Variants in NFAM1 observed in about 807,000 individuals in gnomAD.
NFAM1 encodes NFAT activating protein with ITAM motif 1, also known as NFAT activation molecule 1.
Under a neutral mutation model 29.0 loss-of-function variants are expected in NFAM1, and 17 were observed. That is an observed-to-expected ratio of 0.59 (90% CI 0.40 to 0.88). NFAM1 has a LOEUF of 0.88. Among genes scored for constraint, NFAM1 ranks in the 40% least tolerant of loss-of-function variants. The pLI, the probability that NFAM1 is intolerant of heterozygous loss-of-function variation, is 0.00. For synonymous variants in NFAM1, 175 were observed against 147.2 expected (o/e 1.19, Z -1.36); for missense variants, 324 against 344.6 (o/e 0.94, Z 0.47).
rs117550215 is a variant in NFAM1 at position 42,420,267 on chromosome 22, T to A, written c.122-8531A>T. ...TTGGGTGATTTCTTGAGCTCAGGAC[T>A]TTAAGATCAGCCTGCAGAATATAGT... is the stretch of plus-strand genomic sequence containing the variant. On this transcript the variant is annotated intron_variant, in intron 1 of 5. Transcript: ENST00000329021. Among the ~76,000 whole-genome samples the A allele has an allele frequency of 1.1e-3, 174 of 152,048 alleles. 3 individuals carry two copies. The East Asian group carries it at 0.032, about 28-fold the overall frequency.
At chr22:42,427,865 T>A (rs931070895) in intron 1 of NFAM1, among the ~76,000 whole-genome samples, 7 of 151,980 alleles carry the variant, frequency 4.6e-5, no homozygotes, top group Non-Finnish European at 1.0e-4. Flanking sequence ...CCCCACAAGC[T>A]GGGATGGGGG....
intron 5 of NFAM1, among the ~76,000 whole-genome samples, chr22:42,385,423 C>T (rs556099187): frequency 6.6e-6 from 1 of 151,818 alleles, no homozygotes; most frequent in African/African-American, 2.4e-5. Context: ...CCATTGCCCT[C>T]CAGCCACATG....
rs375741255 is a variant in NFAM1 at position 42,397,975 on chromosome 22, C to A, written c.565-19G>T. ...TCCGCTTCTGTAGGGAGAAAGGAGT[C>A]AGGGCCAGGGATGAGTGGCTCTCGT... is the stretch of plus-strand genomic sequence containing the variant. On this transcript the variant is annotated intron_variant, in intron 3 of 5. Transcript: ENST00000329021. 844 of 1,419,948 alleles carry A rather than the reference C, an allele frequency of 5.9e-4. 1 individual carries two copies. Among genetic ancestry groups the A allele is most frequent in the Non-Finnish European group, 7.5e-4 (768 of 1,018,466 alleles). 88.0% of individuals were successfully genotyped at this position (1,419,948 alleles called of 1,614,324 possible).
intron 1 of NFAM1, among the ~76,000 whole-genome samples, chr22:42,415,400 C>T (rs905357222): frequency 4.0e-5 from 6 of 150,822 alleles, no homozygotes; most frequent in Admixed American, 2.0e-4. Context: ...CCTGGGTTCA[C>T]GCCATTCTCC....
the NFAM1 span, among the ~76,000 whole-genome samples, chr22:42,437,871 A>G: frequency 6.6e-6 from 1 of 152,148 alleles, no homozygotes; most frequent in Non-Finnish European, 1.5e-5. Context: ...TACAGGGTGC[A>G]GGGCGTGGCG....
At chr22:42,423,489 A>T (rs1325901543) in intron 1 of NFAM1, among the ~76,000 whole-genome samples, 1 of 152,146 alleles carries the variant, frequency 6.6e-6, no homozygotes, top group Non-Finnish European at 1.5e-5. Context: ...CCAAGGTGGG[A>T]GGATTACTTG....
intron 1 of NFAM1, among the ~76,000 whole-genome samples, chr22:42,418,014 A>T (rs1930317594): frequency 6.6e-6 from 1 of 152,168 alleles, no homozygotes; most frequent in Non-Finnish European, 1.5e-5. Context: ...GCTTTACAGG[A>T]GACTGTGTTT....
At chr22:42,432,081 C>T (rs1930821221) in intron 1 of NFAM1, among the ~76,000 whole-genome samples, 156 bp downstream of exon 1, 2 of 152,340 alleles carry the variant, frequency 1.3e-5, no homozygotes, top group Admixed American at 1.3e-4. Flanking sequence ...TCTTCTCGGT[C>T]CCAGAAGGCT....
At chr22:42,433,286 A>G (rs2146564447), upstream of NFAM1, among the ~76,000 whole-genome samples, 1 of 152,324 alleles carries the variant, frequency 6.6e-6, no homozygotes, top group East Asian at 1.9e-4. Context: ...TGGTACATGG[A>G]AGACGCAGGC....
At chr22:42,407,598 C>T (rs1279926340) in intron 3 of NFAM1, among the ~76,000 whole-genome samples, 1 of 151,152 alleles carries the variant, frequency 6.6e-6, no homozygotes, top group Non-Finnish European at 1.5e-5. Context: ...CTCAAACTTT[C>T]TTTCTTTTTT....
At chr22:42,421,580 C>T (rs1569235233) in intron 1 of NFAM1, among the ~76,000 whole-genome samples, 1 of 152,194 alleles carries the variant, frequency 6.6e-6, no homozygotes, top group Non-Finnish European at 1.5e-5. Context: ...AGGCTCCTCC[C>T]ACCACCAAGT....
rs1204156899 is a variant in NFAM1, at chr22:42,432,221, G to A, written c.121+16C>T. On this transcript the variant is annotated intron_variant, in intron 1 of 5. Coordinates refer to ENST00000329021, the MANE Select transcript of NFAM1 (RefSeq NM_145912.8). ...TGGAGCGAGAGAGTAGAGAGAAGGA[G>A]GAAGACAGACACTACCTGCCAGTCG... 1 of 1,565,406 alleles carries A rather than the reference G, an allele frequency of 6.4e-7. No individual in the cohort carries two copies. Among genetic ancestry groups the A allele is most frequent in the Non-Finnish European group, 8.7e-7 (1 of 1,153,768 alleles).
intron 1 of NFAM1, among the ~76,000 whole-genome samples, chr22:42,420,105 G>A (rs949615662): frequency 3.6e-5 from 5 of 138,232 alleles, no homozygotes; most frequent in Admixed American, 1.6e-4. Flanking sequence ...CCACCTCCCC[G>A]GTTCAAGCAA....
In NFAM1 at chr22:42,381,581, G is replaced by C. The variant is rs1470647045; in HGVS notation, c.*3580C>G. On this transcript the variant is annotated 3_prime_UTR_variant, in exon 6 of 6. Transcript: ENST00000329021. ...TGCTGCGGTAGGGCCCAGGGGCAGG[G>C]GCCTGCAGGGGCTGCCTGGGGCTTC... 6.5e-6 allele frequency: 1 copy of C among 153,166 alleles called. No homozygotes were observed. Among genetic ancestry groups the C allele is most frequent in the Admixed American group, 6.5e-5 (1 of 15,302 alleles). 9.5% of individuals were successfully genotyped at this position (153,166 alleles called of 1,614,324 possible).
At chr22:42,433,926 G>A (rs1180901716), upstream of NFAM1, among the ~76,000 whole-genome samples, 1 of 152,120 alleles carries the variant, frequency 6.6e-6, no homozygotes, top group African/African-American at 2.4e-5. Flanking sequence ...GGGAGCATTG[G>A]AAAAGCATCG....
upstream of NFAM1, among the ~76,000 whole-genome samples, chr22:42,435,348 CTTT>C (rs10715028): frequency 6.7e-5 from 9 of 135,176 alleles, no homozygotes; most frequent in Non-Finnish European, 7.9e-5. Flanking sequence ...TCTTTTCTTT[CTTT>C]TTTTTTTTTT....
In NFAM1 at chr22:42,397,884, G is replaced by C; in HGVS notation, c.637C>G (p.Gln213Glu). 6.2e-7 allele frequency: 1 copy of C among 1,612,910 alleles called. No homozygotes were observed. ...PDPRSASSPK[Q>E]HPSESVYTAL... Reference sequence around the variant, plus strand: ...GTGTAGACAGATTCTGAAGGATGCTGCTTGGGGCTGCTGGCAGATCTTGGA... The same window carrying C: ...GTGTAGACAGATTCTGAAGGATGCTCCTTGGGGCTGCTGGCAGATCTTGGA... Residue 213 changes from glutamine (Q) to glutamate (E), a missense_variant, in exon 4 of 6, where the codon CAG becomes GAG. By Grantham distance (29) the Gln-to-Glu change is conservative. Coordinates refer to ENST00000329021, the MANE Select transcript of NFAM1 (RefSeq NM_145912.8).
Position 42,432,263 on chromosome 22 carries a change from A to C in NFAM1, c.95T>G (p.Leu32Arg). 1 of 1,573,328 alleles carries C rather than the reference A, an allele frequency of 6.4e-7. No homozygotes were observed. The highest frequency in any genetic ancestry group is 1.3e-5 in the African/African-American group (1 of 74,118). Residue 32 changes from leucine to arginine, a missense_variant, in exon 1 of 6, where the codon CTG (leucine) becomes CGG (arginine). Leu to Arg is a moderately radical substitution (Grantham distance 102). Transcript: ENST00000329021. Reference sequence around the variant, plus strand: ...TGCCAGTCGCAGGGTCCCGGGCAGCAGCAGCACGCCAAGGAGGAGCCAGGG... The same window carrying C: ...TGCCAGTCGCAGGGTCCCGGGCAGCCGCAGCACGCCAAGGAGGAGCCAGGG... The part of the protein sequence containing the change: ...AAPWLLLGVL[L>R]LPGTLRLAGG...
chr22:42,420,018 T>TTTTTG (rs1930391291), intron 1 of NFAM1, among the ~76,000 whole-genome samples: 1 of 130,360 alleles, frequency 7.7e-6, no homozygotes. Context: ...TTTTTTTTTT[T>TTTTTG]TTTTTTTTCT....
Sources: allele counts gnomAD v4.1 joint callset (sites outside exome capture counted in the v4.1 genomes callset), GRCh38; gene constraint gnomAD v4.1.1; transcripts MANE v1.5; gene names NCBI Gene and HGNC (gene_info 2026-07-23, HGNC 2026-07-21).